KCNIP4: variants seen among roughly 807,000 people sequenced by gnomAD.
KCNIP4 encodes the protein Kv channel-interacting protein 4.
A neutral mutation model predicts 34.0 loss-of-function variants in KCNIP4; 12 were observed. The ratio of observed to expected loss-of-function variants is 0.35; its 90% CI spans 0.23 to 0.57. The LOEUF (loss-of-function observed/expected upper bound fraction) is 0.57, where lower values mean the gene tolerates loss of function less well. KCNIP4 is among the 20% of genes least tolerant of loss of function. The pLI is 0.83. For synonymous variants in KCNIP4, 124 were observed against 102.2 expected (o/e 1.21, Z -1.29); for missense variants, 238 against 311.7 (o/e 0.76, Z 1.78).
intron 1 of KCNIP4, among the ~76,000 whole-genome samples, chr4:21,669,558 CA>C (rs1462785097): frequency 2.0e-5 from 3 of 152,092 alleles, no homozygotes; most frequent in Non-Finnish European, 2.9e-5. Context: ...TTGGGGGAGT[CA>C]AAAGTTTTAT....
chr4:21,046,168 T>G (rs2149785696), intron 1 of KCNIP4, among the ~76,000 whole-genome samples: 1 of 152,366 alleles, frequency 6.6e-6, no homozygotes, highest in Admixed American at 6.5e-5. Flanking sequence ...TAATATGATG[T>G]GGCATTATCA....
intron 1 of KCNIP4, among the ~76,000 whole-genome samples, chr4:21,487,969 G>T (rs1213556898): frequency 1.2e-4 from 19 of 152,088 alleles, no homozygotes; most frequent in African/African-American, 4.3e-4. Context: ...TCTCCAAGGA[G>T]TCCTGGTTCC....
chr4:21,912,709 C>A (rs1002005327), intron 1 of KCNIP4, among the ~76,000 whole-genome samples: 4 of 151,912 alleles, frequency 2.6e-5, no homozygotes, highest in Non-Finnish European at 5.9e-5. Flanking sequence ...TAGGAAAGGG[C>A]AAGGCCAGTG....
intron 1 of KCNIP4, among the ~76,000 whole-genome samples, chr4:20,926,864 CT>C (rs1281877340): frequency 6.6e-6 from 1 of 152,194 alleles, no homozygotes. Context: ...TTTTTGAACA[CT>C]GGATATAATT....
At chr4:21,436,106 G>T (rs573710039) in intron 1 of KCNIP4, among the ~76,000 whole-genome samples, 2 of 152,242 alleles carry the variant, frequency 1.3e-5, no homozygotes, top group East Asian at 3.9e-4. Flanking sequence ...TTCACTCTCT[G>T]GCTAAAAGGG....
intron 1 of KCNIP4, among the ~76,000 whole-genome samples, chr4:21,710,187 A>G (rs78800818): frequency 0.017 from 2,640 of 152,302 alleles, 76 homozygotes; most frequent in African/African-American, 0.052. Flanking sequence ...ATTCAATTTC[A>G]ACTAGGTAAA....
chr4:21,543,977 T>A (rs1737920680), intron 1 of KCNIP4, among the ~76,000 whole-genome samples: 1 of 152,164 alleles, frequency 6.6e-6, no homozygotes, highest in Non-Finnish European at 1.5e-5. Context: ...TTGTTGTGAC[T>A]CCTAAACTAG....
intron 1 of KCNIP4, among the ~76,000 whole-genome samples, chr4:21,458,212 C>T (rs1729131582): frequency 1.4e-5 from 2 of 141,064 alleles, no homozygotes; most frequent in African/African-American, 2.6e-5. Flanking sequence ...TCTCATTGTT[C>T]AATTCCCACC....
chr4:21,177,878 A>ATATATATATATATATATATGTATATATAT (rs397839047), intron 1 of KCNIP4, among the ~76,000 whole-genome samples: 4 of 145,484 alleles, frequency 2.7e-5, no homozygotes, highest in African/African-American at 1.1e-4. Context: ...ATATATATAT[A>ATATATATATATATATATATGTATATATAT]AAATATAACA....
intron 1 of KCNIP4, among the ~76,000 whole-genome samples, chr4:21,300,235 C>G (rs1054299832): frequency 6.6e-6 from 1 of 152,058 alleles, no homozygotes; most frequent in East Asian, 1.9e-4. Context: ...AATTTTGATT[C>G]AATTTCTCCC....
intron 1 of KCNIP4, among the ~76,000 whole-genome samples, chr4:21,329,095 G>A (rs913496267): frequency 6.6e-6 from 1 of 152,174 alleles, no homozygotes; most frequent in Non-Finnish European, 1.5e-5. Flanking sequence ...TCTTGCAAAA[G>A]CAAAAAATAA....
At chr4:21,156,668 T>C (rs1442445252) in intron 1 of KCNIP4, among the ~76,000 whole-genome samples, 5 of 152,148 alleles carry the variant, frequency 3.3e-5, no homozygotes. Context: ...CACTAAGTAA[T>C]AGAGCTGTGA....
intron 1 of KCNIP4, among the ~76,000 whole-genome samples, chr4:21,607,614 C>G (rs376621201): frequency 2.0e-5 from 3 of 151,798 alleles, no homozygotes; most frequent in African/African-American, 7.2e-5. Context: ...TCTGGGACTC[C>G]GGGAATCCTT....
rs148747155 is a variant in KCNIP4 at position 21,461,383 on chromosome 4, C to T, written c.61+487188G>A. Among the ~76,000 whole-genome samples the T allele has an allele frequency of 3.1e-3, 475 of 151,572 alleles. 8 individuals carry two copies. Among genetic ancestry groups the T allele is most frequent in the Non-Finnish European group, 2.4e-3 (165 of 67,920 alleles). On this transcript the variant is annotated intron_variant, in intron 1 of 8. Coordinates refer to ENST00000382152, the MANE Select transcript of KCNIP4 (RefSeq NM_025221.6). ...TCTCGGGTAGTTCTTTAAAGCAGTG[C>T]GAAAATGGACTAATACAAATATGAA...
intron 1 of KCNIP4, among the ~76,000 whole-genome samples, chr4:21,673,283 A>G (rs1433703912): frequency 6.6e-6 from 1 of 152,230 alleles, no homozygotes; most frequent in Admixed American, 6.5e-5. Flanking sequence ...TCAACAGTAT[A>G]TACTCAAAAT....
At chr4:20,779,425 A>G (rs1756651919) in intron 3 of KCNIP4, among the ~76,000 whole-genome samples, 1 of 152,222 alleles carries the variant, frequency 6.6e-6, no homozygotes, top group African/African-American at 2.4e-5. Context: ...CCCAGCAAGT[A>G]ATAGAGAAGT....
chr4:21,550,952 T>C (rs1453653574), intron 1 of KCNIP4, among the ~76,000 whole-genome samples: 1 of 152,010 alleles, frequency 6.6e-6, no homozygotes, highest in African/African-American at 2.4e-5. Flanking sequence ...TTAAAACGCT[T>C]TAGAGGGTCA....
At chr4:20,953,430 G>T (rs1732985956) in intron 1 of KCNIP4, among the ~76,000 whole-genome samples, 1 of 152,128 alleles carries the variant, frequency 6.6e-6, no homozygotes, top group South Asian at 2.1e-4. Flanking sequence ...CCAGCACTTT[G>T]GTATAAGCCT....
intron 1 of KCNIP4, among the ~76,000 whole-genome samples, chr4:21,292,552 C>T (rs1333935754): frequency 1.3e-5 from 2 of 152,158 alleles, no homozygotes; most frequent in Non-Finnish European, 2.9e-5. Flanking sequence ...CTGCGAATCT[C>T]AAATGGGCAC....
Sources: gnomAD v4.1 joint callset for allele counts (sites outside exome capture counted in the v4.1 genomes callset) on GRCh38, gnomAD v4.1.1 for gene constraint, MANE v1.5 for transcripts, NCBI Gene and HGNC (gene_info 2026-07-23, HGNC 2026-07-21) for gene names.